PMS1: variants seen among roughly 807,000 people sequenced by gnomAD.
The protein encoded by PMS1 is PMS1 homolog 1, mismatch repair system component.
In PMS1, 79 loss-of-function variants were observed where a neutral mutation model predicts 93.1. The observed-to-expected ratio is 0.85, with a 90% confidence interval of 0.71 to 1.02. The LOEUF (loss-of-function observed/expected upper bound fraction) is 1.02. Ranked by LOEUF, PMS1 falls within the 50% of genes least tolerant of loss-of-function variation. The pLI is 0.00. For synonymous variants in PMS1, 335 were observed against 363.4 expected, an observed-to-expected ratio of 0.92 and a Z score of 0.89; for missense variants, 1,064 against 1,085.3, an observed-to-expected ratio of 0.98 and a Z score of 0.28.
Position 189,877,259 on chromosome 2 carries a change from T to A in PMS1, c.2635-13T>A. 3 of 1,612,342 alleles carry A rather than the reference T, an allele frequency of 1.9e-6. No individual in the cohort carries two copies. Among genetic ancestry groups the A allele is most frequent in the Non-Finnish European group, 2.5e-6 (3 of 1,178,434 alleles). ...TATATCATGGTAAAATGTGTGACTT[T>A]CCCTTTGGACAGGGAGAAGCAGTGC... On this transcript the variant is annotated splice_polypyrimidine_tract_variant and intron_variant, in intron 12 of 12. Coordinates refer to ENST00000441310, the MANE Select transcript of PMS1 (RefSeq NM_000534.5).
chr2:189,833,198 G>T (rs927602529), intron 5 of PMS1, among the ~76,000 whole-genome samples: 1 of 152,128 alleles, frequency 6.6e-6, no homozygotes, highest in African/African-American at 2.4e-5. Flanking sequence ...ACCTTTTCTC[G>T]TAGTTGCAGT....
At chr2:189,790,082 A>G (rs184769346) in intron 1 of PMS1, among the ~76,000 whole-genome samples, 4 of 152,308 alleles carry the variant, frequency 2.6e-5, no homozygotes, top group East Asian at 1.9e-4. Flanking sequence ...GCTTTATATT[A>G]TTGGCTTTGA....
intron 9 of PMS1, 133 bp from the exon 10 acceptor site, chr2:189,863,610 G>C: frequency 1.5e-6 from 1 of 680,632 alleles, no homozygotes; most frequent in East Asian, 2.7e-5. Context: ...ATGCAGGAGA[G>C]TTAGTCTAAT....
rs1229017385 is a variant in PMS1 at position 189,823,070 on chromosome 2, CT to C, written c.582+4896del. On this transcript the variant is annotated intron_variant, in intron 5 of 12. Coordinates refer to ENST00000441310, the MANE Select transcript of PMS1 (RefSeq NM_000534.5). ...ATTATAAAGGGGATTTTTTTCATCT[CT>C]TTTTTCTTTTTTTATTTTATTTTAC... 3.3e-5 allele frequency among the ~76,000 whole-genome samples: 5 copies of C among 151,014 alleles called. No individual in the cohort carries two copies. The East Asian group carries it at 9.7e-4, about 29-fold the overall frequency.
chr2:189,798,663 A>C (rs1575053370), intron 3 of PMS1, among the ~76,000 whole-genome samples: 1 of 151,858 alleles, frequency 6.6e-6, no homozygotes, highest in South Asian at 2.1e-4. Flanking sequence ...CGAGGTTTGC[A>C]TCAGGGAACC....
chr2:189,843,343 T>C (rs1054108881), intron 5 of PMS1, among the ~76,000 whole-genome samples: 3 of 152,156 alleles, frequency 2.0e-5, no homozygotes, highest in African/African-American at 7.2e-5. Context: ...ATCTCCAACA[T>C]ACTCGCAGTG....
intron 5 of PMS1, among the ~76,000 whole-genome samples, chr2:189,842,785 G>GC (rs1343998299): frequency 6.6e-6 from 1 of 152,076 alleles, no homozygotes; most frequent in African/African-American, 2.4e-5. Flanking sequence ...ACATCATTGA[G>GC]CTATAGGGCA....
intron 3 of PMS1, among the ~76,000 whole-genome samples, chr2:189,801,283 A>G (rs975511536): frequency 3.9e-5 from 6 of 152,260 alleles, no homozygotes; most frequent in African/African-American, 1.4e-4. Flanking sequence ...CTTTAAAATC[A>G]TAACAGCAAG....
At chr2:189,849,045 A>G (rs1381716996) in intron 6 of PMS1, among the ~76,000 whole-genome samples, 2 of 152,154 alleles carry the variant, frequency 1.3e-5, no homozygotes, top group African/African-American at 4.8e-5. Context: ...TTGGCCATTA[A>G]GGAACCTTGG....
intron 5 of PMS1, among the ~76,000 whole-genome samples, chr2:189,831,160 G>C (rs1173373840): frequency 6.6e-6 from 1 of 152,208 alleles, no homozygotes; most frequent in African/African-American, 2.4e-5. Flanking sequence ...ACATTTAGAG[G>C]CAGTGAAGAA....
At chr2:189,867,664 C>A in intron 10 of PMS1, 135 bp from the exon 11 acceptor site, 1 of 646,798 alleles carries the variant, frequency 1.5e-6, no homozygotes, top group South Asian at 1.8e-5. Flanking sequence ...AGTGATTTCT[C>A]ATAGGGCTAC....
At chr2:189,815,088 C>T (rs926980217) in intron 4 of PMS1, among the ~76,000 whole-genome samples, 13 of 145,700 alleles carry the variant, frequency 8.9e-5, no homozygotes, top group African/African-American at 3.3e-4. Flanking sequence ...AACAGAGAGA[C>T]TCCATCTCAA....
In PMS1 at chr2:189,795,763, T is replaced by A. The variant is rs1343373770; in HGVS notation, c.133-6T>A. The A allele has an allele frequency of 6.2e-7, 1 of 1,610,814 alleles. No individual in the cohort carries two copies. The highest frequency in any genetic ancestry group is 1.7e-5 in the Admixed American group (1 of 60,020). Reference sequence around the variant, plus strand: ...CATATTAAAAGTGTTTTTTGACATTTTATAGGAGAACTATGGATTTGATAA... The same window carrying A: ...CATATTAAAAGTGTTTTTTGACATTATATAGGAGAACTATGGATTTGATAA... On this transcript the variant is annotated splice_polypyrimidine_tract_variant and splice_region_variant and intron_variant, in intron 2 of 12. Coordinates refer to ENST00000441310, the MANE Select transcript of PMS1 (RefSeq NM_000534.5).
At chr2:189,806,437 A>G in intron 4 of PMS1, 2 of 321,862 alleles carry the variant, frequency 6.2e-6, no homozygotes, top group African/African-American at 2.2e-5. Flanking sequence ...TCACTCTGTC[A>G]CACAGGCTGG....
At chr2:189,820,637 CTTTATA>C (rs1353871116) in intron 5 of PMS1, among the ~76,000 whole-genome samples, 2 of 152,036 alleles carry the variant, frequency 1.3e-5, no homozygotes, top group Non-Finnish European at 2.9e-5. Flanking sequence ...TTTAATACTA[CTTTATA>C]TTTATATAGT....
chr2:189,793,052 C>T (rs1033037882), intron 2 of PMS1, among the ~76,000 whole-genome samples: 1 of 152,096 alleles, frequency 6.6e-6, no homozygotes, highest in Non-Finnish European at 1.5e-5. Context: ...TCAGGTGATC[C>T]GCCCACCTCG....
At chr2:189,825,640 T>C (rs1383448890) in intron 5 of PMS1, among the ~76,000 whole-genome samples, 1 of 152,220 alleles carries the variant, frequency 6.6e-6, no homozygotes, top group East Asian at 1.9e-4. Context: ...TTTGTGGTTT[T>C]AAGAATTGTT....
intron 4 of PMS1, among the ~76,000 whole-genome samples, chr2:189,807,411 T>C (rs1481221526): frequency 6.6e-6 from 1 of 152,214 alleles, no homozygotes; most frequent in Non-Finnish European, 1.5e-5. Context: ...TTTTAAAATA[T>C]GGCTCCTCTC....
chr2:189,870,428 A>T (rs2057048301), intron 11 of PMS1, among the ~76,000 whole-genome samples: 1 of 152,186 alleles, frequency 6.6e-6, no homozygotes, highest in Non-Finnish European at 1.5e-5. Context: ...AACTTGTCAA[A>T]CCACTTACTC....
Sources: allele counts gnomAD v4.1 joint callset (sites outside exome capture counted in the v4.1 genomes callset), GRCh38; gene constraint gnomAD v4.1.1; transcripts MANE v1.5; gene names NCBI Gene and HGNC (gene_info 2026-07-23, HGNC 2026-07-21).